The following SPIRE2 variants were observed in gnomAD, a reference collection of about 807,000 sequenced individuals.
The protein encoded by SPIRE2 is spire type actin nucleation factor 2, also known as protein spire homolog 2.
A neutral mutation model predicts 80.7 loss-of-function variants in SPIRE2; 76 were observed. That is an observed-to-expected ratio of 0.94 (90% CI 0.78 to 1.14). The LOEUF is 1.14. SPIRE2 is among the 50% of genes most tolerant of loss of function. The pLI is 0.00. For synonymous variants in SPIRE2, 535 were observed against 432.6 expected (o/e 1.24, Z -2.94); for missense variants, 1,196 against 1,015.3 (o/e 1.18, Z -2.42).
In SPIRE2 at chr16:89,850,395, G is replaced by A. The variant is rs1170911569; in HGVS notation, c.380G>A (p.Arg127Gln). 1.9e-6 allele frequency: 3 copies of A among 1,597,328 alleles called. No individual in the cohort carries two copies. The highest frequency in any genetic ancestry group is 2.6e-6 in the Non-Finnish European group (3 of 1,173,616). ...EERELSPQLE[R>Q]LIDLMANNDS... ...CGCGAACTCAGCCCTCAGCTGGAGC[G>A]GCTCATCGACCTCATGGCCAACAAC... is the stretch of plus-strand genomic sequence containing the variant. The change falls in exon 3 of 15, where the codon CGG becomes CAG. Residue 127 changes from arginine to glutamine, a missense_variant. Arg to Gln is a conservative substitution (Grantham distance 43, BLOSUM62 1). Coordinates refer to ENST00000378247, the MANE Select transcript of SPIRE2 (RefSeq NM_032451.2).
chr16:89,829,885 C>T (rs1219754836), intron 1 of SPIRE2, among the ~76,000 whole-genome samples: 1 of 151,382 alleles, frequency 6.6e-6, no homozygotes, highest in East Asian at 1.9e-4. Flanking sequence ...CAGGGCTGTG[C>T]CCACTGCCGC....
At chr16:89,833,085 A>G (rs866649385) in intron 1 of SPIRE2, among the ~76,000 whole-genome samples, 5 of 149,274 alleles carry the variant, frequency 3.3e-5, no homozygotes, top group African/African-American at 1.2e-4. Flanking sequence ...CTGCCTCCCC[A>G]GGTTCAAGTG....
intron 10 of SPIRE2, among the ~76,000 whole-genome samples, chr16:89,861,108 C>T (rs1463085551): frequency 1.3e-5 from 2 of 152,298 alleles, no homozygotes; most frequent in East Asian, 3.9e-4. Flanking sequence ...GCCTGGAGGT[C>T]AGTGTGAGGG....
intron 3 of SPIRE2, 30 bp from the exon 4 acceptor site, chr16:89,854,256 C>T: frequency 6.2e-7 from 1 of 1,605,478 alleles, no homozygotes; most frequent in South Asian, 1.1e-5. Context: ...CTCGTACCTC[C>T]CCTGGACTGA....
At chr16:89,834,285 C>T (rs1479649660) in intron 1 of SPIRE2, among the ~76,000 whole-genome samples, 3 of 139,854 alleles carry the variant, frequency 2.1e-5, no homozygotes, top group Non-Finnish European at 3.2e-5. Flanking sequence ...AACCTGCCCG[C>T]GCTCGCGGTT....
rs1413510557 is a variant in SPIRE2, at chr16:89,828,997, C to T, written c.244+203C>T. On this transcript the variant is annotated intron_variant, in intron 1 of 14. Coordinates refer to ENST00000378247, the MANE Select transcript of SPIRE2 (RefSeq NM_032451.2). The surrounding 1 kb of genome is among the most constrained non-coding windows in gnomAD (Gnocchi z 5.9). The stretch of plus-strand genomic sequence containing the variant: ...TCCTCCCTCCTTCTCTCCCTCCTTC[C>T]TCTCCCTCCCCGGCCCTGGACGTTC... Among the ~76,000 whole-genome samples, 1 of 152,202 alleles carries T rather than the reference C, an allele frequency of 6.6e-6. No individual in the cohort carries two copies. Among genetic ancestry groups the T allele is most frequent in the Non-Finnish European group, 1.5e-5 (1 of 68,022 alleles).
At chr16:89,832,954 T>C (rs2041400884) in intron 1 of SPIRE2, among the ~76,000 whole-genome samples, 1 of 151,210 alleles carries the variant, frequency 6.6e-6, no homozygotes, top group African/African-American at 2.4e-5. Context: ...CCCAAGTAGC[T>C]GGGATTACAG....
At chr16:89,855,124 G>T (rs1481835020) in intron 5 of SPIRE2, among the ~76,000 whole-genome samples, 1 of 152,164 alleles carries the variant, frequency 6.6e-6, no homozygotes, top group Non-Finnish European at 1.5e-5. Flanking sequence ...ATTTTTAGTA[G>T]AGATGGGGTT....
In SPIRE2 at chr16:89,850,526, G is replaced by C. The variant is rs1272886605; in HGVS notation, c.511G>C (p.Ala171Pro). 6.6e-7 allele frequency: 1 copy of C among 1,521,752 alleles called. No homozygotes were observed. The highest frequency in any genetic ancestry group is 8.8e-7 in the Non-Finnish European group (1 of 1,139,200). The allele number at this position is 1,521,752 out of a possible 1,614,324, so 94.3% of individuals were successfully genotyped here. Residue 171 changes from alanine (A) to proline (P), a missense_variant, in exon 3 of 15, where the codon GCC becomes CCC. Coordinates refer to ENST00000378247, the MANE Select transcript of SPIRE2 (RefSeq NM_032451.2). Reference sequence around the variant, plus strand: ...CCGCAGCGTGCGCACCTTTGCCCAGGCCATGCGGCTGTGCGCGGCGCGGCT... The same window carrying C: ...CCGCAGCGTGCGCACCTTTGCCCAGCCCATGCGGCTGTGCGCGGCGCGGCT... ...VPRSVRTFAQ[A>P]MRLCAARLTD...
At chr16:89,859,612 C>T (rs2041724376) in intron 9 of SPIRE2, among the ~76,000 whole-genome samples, 3 of 152,248 alleles carry the variant, frequency 2.0e-5, no homozygotes, top group Admixed American at 6.5e-5. Flanking sequence ...ATTACCTAGA[C>T]ATAATTAACT....
At chr16:89,868,807 A>G (rs1286697738) in intron 13 of SPIRE2, among the ~76,000 whole-genome samples, 1 of 151,920 alleles carries the variant, frequency 6.6e-6, no homozygotes, top group Non-Finnish European at 1.5e-5. Context: ...GTGAGCTATG[A>G]TTGTGCCACT....
chr16:89,849,076 C>T (rs1046864080), intron 2 of SPIRE2, among the ~76,000 whole-genome samples: 2 of 152,272 alleles, frequency 1.3e-5, no homozygotes, highest in Admixed American at 6.5e-5. Flanking sequence ...TTCACCTGTT[C>T]TTGTTCTGCC....
Position 89,870,086 on chromosome 16 carries a change from G to C in SPIRE2, c.1959G>C (p.Glu653Asp), listed in dbSNP as rs1189735898. The change falls in exon 15 of 15, where the codon GAG becomes GAC. Residue 653 changes from glutamate (E) to aspartate (D), a missense_variant. Glu to Asp is a conservative substitution (Grantham distance 45). Coordinates refer to ENST00000378247, the MANE Select transcript of SPIRE2 (RefSeq NM_032451.2). Reference protein sequence around the residue: ...LQGPQWQSVEEAFPHIYSHGC... With the variant: ...LQGPQWQSVEDAFPHIYSHGC... ...GGCCACAGTGGCAGAGCGTGGAGGA[G>C]GCGTTCCCCCACATCTACTCCCACG... is the stretch of plus-strand genomic sequence containing the variant. The C allele has an allele frequency of 6.2e-7, 1 of 1,613,496 alleles. No homozygotes were observed. The highest frequency in any genetic ancestry group is 8.5e-7 in the Non-Finnish European group (1 of 1,179,902).
At chr16:89,840,540 G>A (rs927682726) in intron 1 of SPIRE2, among the ~76,000 whole-genome samples, 2 of 150,442 alleles carry the variant, frequency 1.3e-5, no homozygotes, top group African/African-American at 2.4e-5. Context: ...GAGCCACCAT[G>A]TCTGGCCCAA....
intron 1 of SPIRE2, among the ~76,000 whole-genome samples, chr16:89,831,400 T>TTTC (rs994456501): frequency 8.0e-6 from 1 of 124,572 alleles, no homozygotes; most frequent in African/African-American, 2.9e-5. Context: ...TCTTTCTTTC[T>TTTC]TTTTTTTTTT....
At chr16:89,837,275 C>A (rs942065071) in intron 1 of SPIRE2, among the ~76,000 whole-genome samples, 2 of 152,124 alleles carry the variant, frequency 1.3e-5, no homozygotes, top group Non-Finnish European at 2.9e-5. Flanking sequence ...GGCACCCCAC[C>A]CTCAGGGGAC....
intron 12 of SPIRE2, among the ~76,000 whole-genome samples, 192 bp downstream of exon 12, chr16:89,864,053 A>T (rs940064621): frequency 6.6e-6 from 1 of 152,234 alleles, no homozygotes; most frequent in Admixed American, 6.5e-5. Context: ...ATTAAATTTA[A>T]ATAGCTAAGC....
In SPIRE2 at chr16:89,839,325, G is replaced by T. The variant is rs1204908096; in HGVS notation, c.245-5997G>T. On this transcript the variant is annotated intron_variant, in intron 1 of 14. Coordinates refer to ENST00000378247, the MANE Select transcript of SPIRE2 (RefSeq NM_032451.2). ...GGAGGCAGAGATTGCAGTGAGCCGA[G>T]ATCGCGCCACTGCACTCCAGCCTGG... Among the ~76,000 whole-genome samples the T allele has an allele frequency of 2.0e-5, 3 of 148,820 alleles. No individual in the cohort carries two copies. In the East Asian group the frequency reaches 6.0e-4, roughly 30 times the overall value.
rs986590537 is a variant in SPIRE2, at chr16:89,863,029, C to T, written c.1576-447C>T. ...GCCCCAGGAATCAGTGGCCAGGACA[C>T]GGGAGGTGTGCTGAGCGCAGATGGG... On this transcript the variant is annotated intron_variant, in intron 10 of 14. Coordinates refer to ENST00000378247, the MANE Select transcript of SPIRE2 (RefSeq NM_032451.2). The surrounding 1 kb of genome is among the most constrained non-coding windows in gnomAD (Gnocchi z 4.3). 4.0e-5 allele frequency: 7 copies of T among 176,548 alleles called. No homozygotes were observed. The highest frequency in any genetic ancestry group is 1.1e-4 in the South Asian group (1 of 8,844). 10.9% of individuals were successfully genotyped at this position (176,548 alleles called of 1,614,324 possible).
Sources: gnomAD v4.1 joint callset for allele counts (sites outside exome capture counted in the v4.1 genomes callset) on GRCh38, gnomAD v4.1.1 for gene constraint, Gnocchi (gnomAD v3.1) non-coding constraint, MANE v1.5 for transcripts, NCBI Gene and HGNC (gene_info 2026-07-23, HGNC 2026-07-21) for gene names.